The following FCHO2 variants were observed in gnomAD, a reference collection of about 807,000 sequenced individuals.
FCHO2 encodes FCH and mu domain containing endocytic adaptor 2.
Under a neutral mutation model 114.1 loss-of-function variants are expected in FCHO2, and 43 were observed. The observed-to-expected ratio is 0.38, with a 90% confidence interval of 0.30 to 0.49. The LOEUF (loss-of-function observed/expected upper bound fraction) is 0.49, where lower values mean the gene tolerates loss of function less well. Among genes scored for constraint, FCHO2 ranks in the 20% least tolerant of loss-of-function variants. The pLI, the probability that FCHO2 is intolerant of heterozygous loss-of-function variation, is 0.97. For synonymous variants in FCHO2, 293 were observed against 315.2 expected (o/e 0.93, Z 0.75); for missense variants, 807 against 950.4 (o/e 0.85, Z 1.98).
intron 8 of FCHO2, chr5:73,020,560 T>A: frequency 1.6e-6 from 1 of 634,000 alleles, no homozygotes. Flanking sequence ...ACAGAACATA[T>A]TTGGGGTTGT....
chr5:72,986,858 A>ATTTTTC (rs1753547001), intron 2 of FCHO2, among the ~76,000 whole-genome samples: 2 of 147,632 alleles, frequency 1.4e-5, no homozygotes, highest in African/African-American at 5.0e-5. Flanking sequence ...TATTTTAACT[A>ATTTTTC]TTTTTCTTTT....
chr5:73,060,128 G>C (rs1434420882), intron 17 of FCHO2, among the ~76,000 whole-genome samples: 1 of 151,794 alleles, frequency 6.6e-6, no homozygotes, highest in African/African-American at 2.4e-5. Flanking sequence ...CCTGTCTAAA[G>C]AGTGTTTGGC....
At chr5:72,977,060 A>G (rs926920719) in intron 2 of FCHO2, among the ~76,000 whole-genome samples, 4 of 152,156 alleles carry the variant, frequency 2.6e-5, no homozygotes, top group Admixed American at 6.5e-5. Context: ...AGTCTTTGCT[A>G]TTGTGAACAG....
chr5:73,029,085 TGTG>T (rs1175028948), intron 8 of FCHO2, among the ~76,000 whole-genome samples: 1 of 152,218 alleles, frequency 6.6e-6, no homozygotes, highest in Non-Finnish European at 1.5e-5. Context: ...TATGTTATCT[TGTG>T]GTAGTAGACT....
In FCHO2 at chr5:72,975,752, A is replaced by T. The variant is rs1432604754; in HGVS notation, c.125+7163A>T. Among the ~76,000 whole-genome samples the T allele has an allele frequency of 2.0e-5, 3 of 152,202 alleles. No individual in the cohort carries two copies. In the East Asian group the frequency reaches 5.8e-4, roughly 29 times the overall value. On this transcript the variant is annotated intron_variant, in intron 2 of 25. Transcript: ENST00000430046. ...ACTCCTGACCTCAGGTGATCCACCC[A>T]TCTCGGCCTCCCAGTGTGTTGGGAT...
intron 24 of FCHO2, among the ~76,000 whole-genome samples, chr5:73,085,561 G>A (rs1743270457): frequency 6.7e-6 from 1 of 148,196 alleles, no homozygotes; most frequent in Non-Finnish European, 1.5e-5. Context: ...GATCACTTGA[G>A]GCCAGGAGTT....
At chr5:73,057,290 ACTTTTGAG>A (rs1294316199) in intron 16 of FCHO2, among the ~76,000 whole-genome samples, 1 of 152,128 alleles carries the variant, frequency 6.6e-6, no homozygotes, top group Admixed American at 6.5e-5. Context: ...ATTATTTGAT[ACTTTTGAG>A]GTACTAATTG....
intron 2 of FCHO2, among the ~76,000 whole-genome samples, chr5:72,973,977 G>A (rs1280946466): frequency 1.3e-5 from 2 of 151,260 alleles, no homozygotes; most frequent in Non-Finnish European, 3.0e-5. Flanking sequence ...AGTCATTCAG[G>A]AGCAGGTTGT....
Position 73,027,037 on chromosome 5 carries a change from T to TA in FCHO2, c.797-7619dup, listed in dbSNP as rs1561459722. Among the ~76,000 whole-genome samples the TA allele has an allele frequency of 3.7e-3, 558 of 149,900 alleles. 2 individuals carry two copies. Among genetic ancestry groups the TA allele is most frequent in the African/African-American group, 0.013 (524 of 40,960 alleles). On this transcript the variant is annotated intron_variant, in intron 8 of 25. Coordinates refer to ENST00000430046, the MANE Select transcript of FCHO2 (RefSeq NM_138782.3). ...TTGTTTGTTTTTTTTTTTTTTTTTTTAGTGTAGTAATGGCTGGTTCCTCTG... is the reference window on the plus strand; with the variant it reads ...TTGTTTGTTTTTTTTTTTTTTTTTTTAAGTGTAGTAATGGCTGGTTCCTCTG...
chr5:72,991,002 C>A, intron 5 of FCHO2, 138 bp downstream of exon 5: 2 of 904,110 alleles, frequency 2.2e-6, no homozygotes, highest in Non-Finnish European at 3.2e-6. Context: ...AGTGATTACC[C>A]AAGTAAAACA....
intron 5 of FCHO2, among the ~76,000 whole-genome samples, chr5:73,000,778 T>TA (rs1754391495): frequency 9.5e-6 from 1 of 105,566 alleles, no homozygotes; most frequent in African/African-American, 5.1e-5. Context: ...GCTGTCTCAA[T>TA]TAAAAAAAAA....
intron 18 of FCHO2, 88 bp downstream of exon 18, chr5:73,064,032 T>C: frequency 1.6e-6 from 2 of 1,263,560 alleles, no homozygotes; most frequent in Non-Finnish European, 2.2e-6. Flanking sequence ...TACAGTTAAT[T>C]GCTTGAAGTT....
At position 72,980,794 on chromosome 5, in the gene FCHO2, T is replaced by C. The variant is rs370468677; in HGVS notation, c.126-8633T>C. 2.0e-5 allele frequency among the ~76,000 whole-genome samples: 3 copies of C among 152,318 alleles called. No homozygotes were observed. The East Asian group carries it at 5.8e-4, about 29-fold the overall frequency. On this transcript the variant is annotated intron_variant, in intron 2 of 25. Coordinates refer to ENST00000430046, the MANE Select transcript of FCHO2 (RefSeq NM_138782.3). ...TGCTTTTTTTTGCTTTCCATTTGCT[T>C]GGTAAATATTCCTCCATCCCTTTAT...
chr5:72,981,843 C>T (rs961411885), intron 2 of FCHO2, among the ~76,000 whole-genome samples: 12 of 152,168 alleles, frequency 7.9e-5, no homozygotes, highest in Non-Finnish European at 1.2e-4. Flanking sequence ...GTTAGCAATT[C>T]GTCTAACCTT....
chr5:73,068,853 T>C, intron 19 of FCHO2, 74 bp downstream of exon 19: 1 of 1,434,904 alleles, frequency 7.0e-7, no homozygotes, highest in South Asian at 1.5e-5. Context: ...TATATATTTT[T>C]AAATGGGCTA....
Position 73,078,214 on chromosome 5 carries a change from T to A in FCHO2, c.1882T>A (p.Phe628Ile). 1.3e-6 allele frequency: 2 copies of A among 1,577,546 alleles called. No individual in the cohort carries two copies. The highest frequency in any genetic ancestry group is 1.7e-6 in the Non-Finnish European group (2 of 1,161,898). The change falls in exon 22 of 26, where the codon TTT becomes ATT. Residue 628 changes from phenylalanine to isoleucine, a missense_variant. Coordinates refer to ENST00000430046, the MANE Select transcript of FCHO2 (RefSeq NM_138782.3). ...ACAATGTGATTCCAACACAAAAGAT[T>A]TTTGGATGAACATGCAAGCTGTTAC... is the stretch of plus-strand genomic sequence containing the variant. ...PSQCDSNTKD[F>I]WMNMQAVTVY...
At chr5:73,021,807 T>C (rs143912738) in intron 8 of FCHO2, among the ~76,000 whole-genome samples, 2 of 152,198 alleles carry the variant, frequency 1.3e-5, no homozygotes, top group African/African-American at 4.8e-5. Flanking sequence ...GATTAGGGTG[T>C]TAAGAAGGTT....
chr5:73,021,164 T>C, intron 8 of FCHO2: 1 of 775,878 alleles, frequency 1.3e-6, no homozygotes, highest in South Asian at 1.3e-5. Flanking sequence ...CCATCTCTCC[T>C]TTGTCCAGGC....
intron 16 of FCHO2, among the ~76,000 whole-genome samples, chr5:73,056,643 A>G (rs1312323619): frequency 6.6e-6 from 1 of 152,186 alleles, no homozygotes; most frequent in Non-Finnish European, 1.5e-5. Context: ...AAAAAAATCT[A>G]TTTAACCACA....
Sources: gnomAD v4.1 joint callset for allele counts (sites outside exome capture counted in the v4.1 genomes callset) on GRCh38, gnomAD v4.1.1 for gene constraint, MANE v1.5 for transcripts, NCBI Gene and HGNC (gene_info 2026-07-23, HGNC 2026-07-21) for gene names.